HECW1: variants seen among roughly 807,000 people sequenced by gnomAD.
HECW1 encodes the protein HECT, C2 and WW domain containing E3 ubiquitin protein ligase 1, also known as E3 ubiquitin-protein ligase HECW1.
HECW1 carries 61 observed loss-of-function variants against 182.3 expected under a neutral mutation model. The ratio of observed to expected loss-of-function variants is 0.33; its 90% CI spans 0.27 to 0.41. HECW1 has a LOEUF of 0.41. HECW1 is among the 10% of genes least tolerant of loss of function. The pLI, the probability that HECW1 is intolerant of heterozygous loss-of-function variation, is 1.00. For synonymous variants in HECW1, 859 were observed against 832.6 expected, an observed-to-expected ratio of 1.03 and a Z score of -0.55; for missense variants, 1,739 against 2,108.9, an observed-to-expected ratio of 0.82 and a Z score of 3.44.
intron 24 of HECW1, chr7:43,512,263 G>T: frequency 4.5e-6 from 1 of 222,820 alleles, no homozygotes. Context: ...GACAAGCCAG[G>T]GCAGGATTTG....
intron 6 of HECW1, 67 bp downstream of exon 6, chr7:43,361,047 C>G: frequency 9.6e-7 from 1 of 1,040,780 alleles, no homozygotes; most frequent in Non-Finnish European, 1.4e-6. Flanking sequence ...CTATTTTGTT[C>G]TTGTGCGTGC....
rs1801361509 is a variant in HECW1 at position 43,263,106 on chromosome 7, T to C, written c.27+19174T>C. On this transcript the variant is annotated intron_variant, in intron 3 of 29. Transcript: ENST00000395891. ...TTTCCGCAATTACTTACCTGTGCGA[T>C]GAAAAGAATACAGTTCAATTTCCAC... 3.3e-5 allele frequency among the ~76,000 whole-genome samples: 5 copies of C among 152,208 alleles called. No individual in the cohort carries two copies. The South Asian group carries it at 1.0e-3, about 32-fold the overall frequency.
At chr7:43,500,817 C>T (rs762143042) in intron 20 of HECW1, 35 bp downstream of exon 20, 1 of 1,542,958 alleles carries the variant, frequency 6.5e-7, no homozygotes, top group South Asian at 1.1e-5. Context: ...TCTGGAAAAG[C>T]TTCCCTGGGC....
intron 2 of HECW1, among the ~76,000 whole-genome samples, chr7:43,234,100 C>T (rs1414285843): frequency 1.3e-5 from 2 of 152,248 alleles, no homozygotes; most frequent in Admixed American, 1.3e-4. Flanking sequence ...TATCCACAGA[C>T]TTTACAAATT....
At chr7:43,359,734 C>G (rs1323683900) in intron 5 of HECW1, among the ~76,000 whole-genome samples, 2 of 152,118 alleles carry the variant, frequency 1.3e-5, no homozygotes, top group Non-Finnish European at 2.9e-5. Flanking sequence ...AAATTGTAGA[C>G]ATTATTTTTA....
Position 43,226,216 on chromosome 7 carries a change from G to T in HECW1, c.-31-17659G>T, listed in dbSNP as rs73099696. On this transcript the variant is annotated intron_variant, in intron 2 of 29. Transcript: ENST00000395891. ...ATGAATTTAGGTTCGGAACATCGGG[G>T]TTAAAATGGAAAAAATTTTGATAAA... 3.4e-3 allele frequency among the ~76,000 whole-genome samples: 511 copies of T among 152,290 alleles called. 2 individuals carry two copies. Among genetic ancestry groups the T allele is most frequent in the Middle Eastern group, 6.8e-3 (2 of 294 alleles).
chr7:43,424,636 A>T (rs138132678), intron 8 of HECW1, among the ~76,000 whole-genome samples: 3,105 of 152,284 alleles, frequency 0.02, 49 homozygotes, highest in Non-Finnish European at 0.034. Flanking sequence ...AATAAATAAA[A>T]AAATAAATAA....
chr7:43,467,212 G>A (rs538113312), intron 15 of HECW1, among the ~76,000 whole-genome samples: 12 of 152,294 alleles, frequency 7.9e-5, no homozygotes, highest in Admixed American at 3.3e-4. Flanking sequence ...GAGCAATGAC[G>A]TGAAAAACAT....
intron 13 of HECW1, among the ~76,000 whole-genome samples, chr7:43,463,238 G>A (rs28680596): frequency 0.027 from 4,092 of 152,190 alleles, 85 homozygotes; most frequent in East Asian, 0.096. Context: ...TCAATTACCC[G>A]ACAAATAAAA....
At chr7:43,127,552 A>G (rs548962565) in intron 2 of HECW1, among the ~76,000 whole-genome samples, 1 of 148,284 alleles carries the variant, frequency 6.7e-6, no homozygotes, top group Non-Finnish European at 1.5e-5. Flanking sequence ...AAAAAGGAAA[A>G]CAAACAGCCT....
chr7:43,390,812 C>G (rs1427056346), intron 6 of HECW1, among the ~76,000 whole-genome samples: 2 of 152,074 alleles, frequency 1.3e-5, no homozygotes, highest in South Asian at 2.1e-4. Context: ...GACTGAGGAG[C>G]TAGGTTAAAC....
At position 43,553,688 on chromosome 7, in the gene HECW1, A is replaced by AAAAG. The variant is rs369905426; in HGVS notation, c.4511-904_4511-903insAAAG. On this transcript the variant is annotated intron_variant, in intron 28 of 29. Coordinates refer to ENST00000395891, the MANE Select transcript of HECW1 (RefSeq NM_015052.5). The stretch of plus-strand genomic sequence containing the variant: ...TGTCTCAAAAAAAAAAAAAAAAAAA[A>AAAAG]GTCTCTGCCTGGCTGTTAAGGCCCC... Among the ~76,000 whole-genome samples, 26 of 136,390 alleles carry AAAAG rather than the reference A, an allele frequency of 1.9e-4. 2 individuals are homozygous for AAAAG. Among genetic ancestry groups the AAAAG allele is most frequent in the Non-Finnish European group, 2.7e-4 (17 of 63,410 alleles). The allele number at this position is 136,390 out of a possible 152,430, so 89.5% of individuals were successfully genotyped here. A position where few individuals can be genotyped will look rare whatever the true frequency, so the allele number is the denominator to read the frequency against.
intron 2 of HECW1, among the ~76,000 whole-genome samples, chr7:43,124,860 C>T (rs897987340): frequency 6.6e-6 from 1 of 151,900 alleles, no homozygotes; most frequent in African/African-American, 2.4e-5. Context: ...AATGATTTTA[C>T]AATACTCAGT....
At chr7:43,248,825 C>T (rs1799729010) in intron 3 of HECW1, 1 of 152,264 alleles carries the variant, frequency 6.6e-6, no homozygotes, top group African/African-American at 2.4e-5. Context: ...AGTCCTAGGC[C>T]ACTCTATTGC....
At chr7:43,501,531 G>T (rs28561841) in intron 21 of HECW1, among the ~76,000 whole-genome samples, 1 of 152,016 alleles carries the variant, frequency 6.6e-6, no homozygotes, top group African/African-American at 2.4e-5. Context: ...GTTTGAAATG[G>T]TTGGGAAAAA....
chr7:43,182,104 C>G, intron 2 of HECW1, among the ~76,000 whole-genome samples: 1 of 152,152 alleles, frequency 6.6e-6, no homozygotes, highest in East Asian at 1.9e-4. Flanking sequence ...TTTAAGTTCT[C>G]TCTTAACTCT....
rs75250832 is a variant in HECW1, at chr7:43,467,247, C to T, written c.2913+679C>T. Among the ~76,000 whole-genome samples, 54 of 152,108 alleles carry T rather than the reference C, an allele frequency of 3.6e-4. 1 individual carries two copies. The Middle Eastern group carries it at 0.01, about 29-fold the overall frequency. On this transcript the variant is annotated intron_variant, in intron 15 of 29. Coordinates refer to ENST00000395891, the MANE Select transcript of HECW1 (RefSeq NM_015052.5). ...TCAGCCCAGTGTGACAGGACCAGGC[C>T]GAACTGAGGGAGGACAGAGTGCTCT...
At chr7:43,267,371 T>A (rs905215336) in intron 3 of HECW1, among the ~76,000 whole-genome samples, 1 of 152,110 alleles carries the variant, frequency 6.6e-6, no homozygotes, top group African/African-American at 2.4e-5. Context: ...AAAGGGGAAA[T>A]TGAAGCCATA....
intron 3 of HECW1, among the ~76,000 whole-genome samples, chr7:43,253,700 G>A (rs758460271): frequency 4.6e-5 from 7 of 152,156 alleles, no homozygotes; most frequent in Non-Finnish European, 7.4e-5. Context: ...GAGGTCAGGA[G>A]TTCAAGACCA....
Sources: gnomAD v4.1 joint callset for allele counts (sites outside exome capture counted in the v4.1 genomes callset) on GRCh38, gnomAD v4.1.1 for gene constraint, MANE v1.5 for transcripts, NCBI Gene and HGNC (gene_info 2026-07-23, HGNC 2026-07-21) for gene names.